Variants in ADRA1A observed in about 807,000 individuals in gnomAD.
The protein encoded by ADRA1A is alpha-1A adrenergic receptor.
A neutral mutation model predicts 29.6 loss-of-function variants in ADRA1A; 31 were observed. That is an observed-to-expected ratio of 1.05 (90% CI 0.79 to 1.41). The LOEUF (loss-of-function observed/expected upper bound fraction) is 1.41, where lower values mean the gene tolerates loss of function less well. Among genes scored for constraint, ADRA1A ranks in the 40% most tolerant of loss-of-function variants. ADRA1A has a pLI of 0.00. For missense variants in ADRA1A, 619 were observed against 601.1 expected, an observed-to-expected ratio of 1.03 and a Z score of -0.31; for synonymous variants, 311 against 254.3, an observed-to-expected ratio of 1.22 and a Z score of -2.12.
At chr8:26,837,344 G>A (rs575080699) in intron 2 of ADRA1A, among the ~76,000 whole-genome samples, 132 of 152,140 alleles carry the variant, frequency 8.7e-4, no homozygotes, top group African/African-American at 3.0e-3. Flanking sequence ...CAAATTAAGA[G>A]TCCTATTAAA....
In ADRA1A at chr8:26,831,044, T is replaced by C. The variant is rs992863986; in HGVS notation, c.883+33043A>G. Among the ~76,000 whole-genome samples, 4 of 152,164 alleles carry C rather than the reference T, an allele frequency of 2.6e-5. No homozygotes were observed. Among genetic ancestry groups the C allele is most frequent in the African/African-American group, 7.2e-5 (3 of 41,438 alleles). On this transcript the variant is annotated intron_variant, in intron 2 of 2. Transcript: ENST00000380573. The surrounding 1 kb of genome is among the most constrained non-coding windows in gnomAD (Gnocchi z 5.2). ...CTGGACTTTGGGGGACTGAGGTCTT[T>C]TATAGTTAAAGAAATATACTTAGGA...
chr8:26,770,333 C>T lies in ADRA1A; in HGVS notation c.1217G>A (p.Gly406Glu), dbSNP rs1358339890. The T allele has an allele frequency of 6.2e-7, 1 of 1,614,172 alleles. No individual in the cohort carries two copies. The highest frequency in any genetic ancestry group is 1.7e-5 in the Admixed American group (1 of 60,034). Reference protein sequence around the residue: ...EWKFFSSMPRGSARITVSKDQ... With the variant: ...EWKFFSSMPRESARITVSKDQ... ...TTTGGACACTGTAATCCTGGCAGAT[C>T]CACGGGGCATGGAAGAGAAAAATTT... The change falls in exon 3 of 3, where the codon GGA (glycine) becomes GAA (glutamate). Residue 406 changes from glycine to glutamate, a missense_variant. Coordinates refer to ENST00000380573, the MANE Select transcript of ADRA1A (RefSeq NM_000680.4).
At position 26,864,219 on chromosome 8, in the gene ADRA1A, C is replaced by T. The variant is rs777863824; in HGVS notation, c.751G>A (p.Ala251Thr). ...APAGGSGMAS[A>T]KTKTHFSVRL... ...ACTGAGAAGTGCGTCTTGGTCTTGGCGCTGGCCATCCCGCTGCCTCCTGCC... is the reference window on the plus strand; with the variant it reads ...ACTGAGAAGTGCGTCTTGGTCTTGGTGCTGGCCATCCCGCTGCCTCCTGCC... Residue 251 changes from alanine to threonine, a missense_variant, in exon 2 of 3, where the codon GCC (alanine) becomes ACC (threonine). Ala to Thr is a moderately conservative substitution (Grantham distance 58, BLOSUM62 0). Coordinates refer to ENST00000380573, the MANE Select transcript of ADRA1A (RefSeq NM_000680.4). This position sits in a 1 kb window ranked among gnomAD's most constrained non-coding sequence, Gnocchi z 8.1. The T allele has an allele frequency of 5.6e-6, 9 of 1,614,176 alleles. No homozygotes were observed. Among genetic ancestry groups the T allele is most frequent in the Middle Eastern group, 3.3e-4 (2 of 6,060 alleles).
intron 2 of ADRA1A, among the ~76,000 whole-genome samples, chr8:26,842,368 A>C (rs1323019176): frequency 6.6e-6 from 1 of 152,160 alleles, no homozygotes; most frequent in African/African-American, 2.4e-5. Context: ...ATCAATACTA[A>C]AGGTTTTCTG....
At chr8:26,755,022 T>A (rs777815363), downstream of ADRA1A, among the ~76,000 whole-genome samples, 1 of 152,222 alleles carries the variant, frequency 6.6e-6, no homozygotes, top group African/African-American at 2.4e-5. Context: ...TTTAAAAACA[T>A]GCTGCATAAC....
chr8:26,808,244 C>A (rs1356957664), intron 2 of ADRA1A, among the ~76,000 whole-genome samples: 7 of 152,138 alleles, frequency 4.6e-5, no homozygotes, highest in Non-Finnish European at 1.5e-5. Context: ...ACATATACTT[C>A]TACATATTGC....
At chr8:26,784,801 A>G (rs556192014) in intron 2 of ADRA1A, among the ~76,000 whole-genome samples, 1 of 152,300 alleles carries the variant, frequency 6.6e-6, no homozygotes, top group Non-Finnish European at 1.5e-5. Flanking sequence ...AGGGAGACCA[A>G]CCAGGAGGCT....
At chr8:26,767,771 T>A (rs143788627), downstream of ADRA1A, among the ~76,000 whole-genome samples, 126 of 151,482 alleles carry the variant, frequency 8.3e-4, no homozygotes, top group Admixed American at 9.8e-4. Context: ...CGATAATCAT[T>A]CTTCCTGTTG....
At position 26,769,158 on chromosome 8, in the gene ADRA1A, A is replaced by G. The variant is rs1299158266; in HGVS notation, c.*991T>C. ...GAGACAATCTTTTGCCTTTCAAAAT[A>G]TTATAAGCTCTGGATTTTCATAACA... is the stretch of plus-strand genomic sequence containing the variant. On this transcript the variant is annotated 3_prime_UTR_variant, in exon 3 of 3. Transcript: ENST00000380573. 1.0e-5 allele frequency: 10 copies of G among 985,326 alleles called. No homozygotes were observed. Among genetic ancestry groups the G allele is most frequent in the African/African-American group, 1.7e-5 (1 of 57,244 alleles). The allele number at this position is 985,326 out of a possible 1,614,324, so 61.0% of individuals were successfully genotyped here. A position where few individuals can be genotyped will look rare whatever the true frequency, so the allele number is the denominator to read the frequency against.
chr8:26,749,043 A>G (rs1321989342), intron 2 of ADRA1A, among the ~76,000 whole-genome samples: 1 of 152,224 alleles, frequency 6.6e-6, no homozygotes, highest in Non-Finnish European at 1.5e-5. Flanking sequence ...GAGGTATCAC[A>G]CATAAATTGA....
Position 26,748,710 on chromosome 8 carries a change from G to GCA in ADRA1A, c.1307_1308insTG (p.Met437AlafsTer2). ...GGAGGTTGCAGTGAGCCAAGATCATGCCACTGCACTCCAGCCTGGTGACAG... is the reference window on the plus strand; with the variant it reads ...GGAGGTTGCAGTGAGCCAAGATCATGCACCACTGCACTCCAGCCTGGTGACAG... On this transcript the variant is annotated frameshift_variant, in exon 3 of 3. Coordinates refer to the ADRA1A transcript ENST00000380586. LOFTEE classifies it high-confidence loss of function. The GCA allele has an allele frequency of 2.7e-6, 1 of 370,574 alleles. No homozygotes were observed. Among genetic ancestry groups the GCA allele is most frequent in the Non-Finnish European group, 5.1e-6 (1 of 194,722 alleles). 23.0% of individuals were successfully genotyped at this position (370,574 alleles called of 1,614,324 possible).
At chr8:26,847,361 C>T (rs1812288219) in intron 2 of ADRA1A, among the ~76,000 whole-genome samples, 1 of 152,122 alleles carries the variant, frequency 6.6e-6, no homozygotes, top group African/African-American at 2.4e-5. Flanking sequence ...CTAATGTGAC[C>T]TCTTTAGGAA....
intron 2 of ADRA1A, among the ~76,000 whole-genome samples, chr8:26,812,868 G>A (rs1450047952): frequency 2.2e-4 from 34 of 151,928 alleles, no homozygotes; most frequent in East Asian, 1.2e-3. Flanking sequence ...GAGTTTCACC[G>A]TGTTAGCCAG....
intron 2 of ADRA1A, among the ~76,000 whole-genome samples, chr8:26,844,512 C>T (rs532653107): frequency 3.9e-4 from 59 of 152,194 alleles, no homozygotes; most frequent in African/African-American, 9.6e-4. Context: ...GGATAAAGGA[C>T]ATATGAAATG....
chr8:26,824,005 C>G (rs1163156314), intron 2 of ADRA1A, among the ~76,000 whole-genome samples: 2 of 152,156 alleles, frequency 1.3e-5, no homozygotes. Context: ...AGAGCTGCTT[C>G]TTTCTCCTCC....
chr8:26,753,262 T>C (rs1218652198), downstream of ADRA1A, among the ~76,000 whole-genome samples: 5 of 152,120 alleles, frequency 3.3e-5, no homozygotes, highest in South Asian at 1.0e-3. Flanking sequence ...TAACTTAATA[T>C]GTCCTGTCTT....
intron 2 of ADRA1A, among the ~76,000 whole-genome samples, chr8:26,759,204 G>C (rs559269951): frequency 6.6e-6 from 1 of 152,320 alleles, no homozygotes; most frequent in Non-Finnish European, 1.5e-5. Context: ...TACTGAGGCA[G>C]AATTTCTGTT....
intron 2 of ADRA1A, among the ~76,000 whole-genome samples, chr8:26,845,908 G>C (rs577105739): frequency 6.6e-6 from 1 of 152,116 alleles, no homozygotes; most frequent in African/African-American, 2.4e-5. Flanking sequence ...TGGCTGCCAG[G>C]CACTTGGGGA....
At chr8:26,854,862 G>T (rs1031288023) in intron 2 of ADRA1A, among the ~76,000 whole-genome samples, 1 of 152,218 alleles carries the variant, frequency 6.6e-6, no homozygotes, top group Middle Eastern at 3.2e-3. Flanking sequence ...CTGGCCCCCA[G>T]TGTGATGATA....
Sources: allele counts gnomAD v4.1 joint callset (sites outside exome capture counted in the v4.1 genomes callset), GRCh38; gene constraint gnomAD v4.1.1; non-coding constraint Gnocchi (gnomAD v3.1); transcripts MANE v1.5; gene names NCBI Gene and HGNC (gene_info 2026-07-23, HGNC 2026-07-21).